ILDR1: variants seen among roughly 807,000 people sequenced by gnomAD.
ILDR1 encodes immunoglobulin like domain containing receptor 1, also known as immunoglobulin-like domain-containing receptor 1.
ILDR1 carries 56 observed loss-of-function variants against 62.4 expected under a neutral mutation model. The observed-to-expected ratio is 0.90, with a 90% CI of 0.72 to 1.12. ILDR1 has a LOEUF of 1.12. Ranked by LOEUF, ILDR1 falls within the 50% of genes most tolerant of loss-of-function variation. The pLI is 0.00. For missense variants in ILDR1, 736 were observed against 710.6 expected, an observed-to-expected ratio of 1.04 and a Z score of -0.41; for synonymous variants, 284 against 277.8, an observed-to-expected ratio of 1.02 and a Z score of -0.22.
chr3:122,001,251 G>A lies in ILDR1; in HGVS notation c.646+57C>T, dbSNP rs1049341194. 1.1e-5 allele frequency: 17 copies of A among 1,597,204 alleles called. No homozygotes were observed. The African/African-American group carries it at 2.3e-4, about 21-fold the overall frequency. ...TTGACCTGGCACTTGAAGCTGATCT[G>A]CTTGACGTCCTGGTCCCTAATCCAC... On this transcript the variant is annotated intron_variant, in intron 5 of 7. Transcript: ENST00000344209.
At chr3:122,045,092 C>T in the ILDR1 span, among the ~76,000 whole-genome samples, 2 of 152,138 alleles carry the variant, frequency 1.3e-5, no homozygotes, top group South Asian at 2.1e-4. Flanking sequence ...GCTTTAAATG[C>T]ATCCCAGAGA....
rs776978257 is a variant in ILDR1 at position 122,007,159 on chromosome 3, A to G, written c.61T>C (p.Cys21Arg). 1.9e-6 allele frequency: 3 copies of G among 1,614,116 alleles called. No individual in the cohort carries two copies. In the East Asian group the frequency reaches 6.7e-5, roughly 36 times the overall value. ...TGGACCGTCACAAGCAAGGACAGGC[A>G]CCCTAAAGCCAAGAGCAGGAGAAAA... ...LLLCTWLPAG[C>R]LSLLVTVQHT... is the part of the protein sequence containing the mutation. Residue 21 changes from cysteine (C) to arginine (R), a missense_variant and splice_region_variant, in exon 2 of 8, where the codon TGC becomes CGC. By Grantham distance (180) the Cys-to-Arg change is radical (BLOSUM62 -3). Transcript: ENST00000344209.
intron 5 of ILDR1, among the ~76,000 whole-genome samples, chr3:121,999,168 T>C (rs957296104): frequency 2.0e-5 from 3 of 152,208 alleles, no homozygotes; most frequent in African/African-American, 7.2e-5. Context: ...CAGGTTTTGT[T>C]TCTATCTTAA....
chr3:122,003,208 AG>A (rs1390414418), intron 3 of ILDR1, among the ~76,000 whole-genome samples: 1 of 152,200 alleles, frequency 6.6e-6, no homozygotes. Flanking sequence ...TGCTCCTGCT[AG>A]GTTGGTGGTA....
the ILDR1 span, among the ~76,000 whole-genome samples, chr3:122,037,993 A>G: frequency 1.3e-5 from 2 of 151,278 alleles, no homozygotes; most frequent in Non-Finnish European, 2.9e-5. Context: ...CCATGGTAGG[A>G]TGTGCTTGCT....
In ILDR1 at chr3:121,993,210, G is replaced by A. The variant is rs751697424; in HGVS notation, c.1539C>T (p.Arg513=). ...TCTTGCCTGGAGTGATATCAAGTGAGCGGTAGCTAGGCGGCTTCTCCTCGG... is the reference window on the plus strand; with the variant it reads ...TCTTGCCTGGAGTGATATCAAGTGAACGGTAGCTAGGCGGCTTCTCCTCGG... ...HWPEEKPPSY[R]SLDITPGKNS... Residue 513 remains arginine, a synonymous_variant, in exon 7 of 8, where the codon CGC becomes CGT. Transcript: ENST00000344209. 4 of 1,613,962 alleles carry A rather than the reference G, an allele frequency of 2.5e-6. No individual in the cohort carries two copies. The South Asian group carries it at 3.3e-5, about 13-fold the overall frequency.
At position 122,001,454 on chromosome 3, in the gene ILDR1, T is replaced by A; in HGVS notation, c.500A>T (p.His167Leu). 6.2e-7 allele frequency: 1 copy of A among 1,614,024 alleles called. No homozygotes were observed. Among genetic ancestry groups the A allele is most frequent in the Non-Finnish European group, 8.5e-7 (1 of 1,179,984 alleles). Residue 167 changes from histidine (H) to leucine (L), a missense_variant and splice_region_variant, in exon 5 of 8, where the codon CAC becomes CTC. Transcript: ENST00000344209. ...PDKEVKLIVL[H>L]WLTVIFIILG... Reference sequence around the variant, plus strand: ...GATGATGAAGATCACTGTCAGCCAGTCTGCAGGGGAGAAGCCAAGCAGGGG... The same window carrying A: ...GATGATGAAGATCACTGTCAGCCAGACTGCAGGGGAGAAGCCAAGCAGGGG...
At chr3:121,988,773 C>T (rs951510656) in intron 7 of ILDR1, among the ~76,000 whole-genome samples, 1 of 152,250 alleles carries the variant, frequency 6.6e-6, no homozygotes, top group African/African-American at 2.4e-5. Flanking sequence ...TTCATGAAGA[C>T]ATTGCTCAGT....
At chr3:122,000,636 G>A (rs1055950628) in intron 5 of ILDR1, among the ~76,000 whole-genome samples, 4 of 152,168 alleles carry the variant, frequency 2.6e-5, no homozygotes, top group African/African-American at 7.2e-5. Flanking sequence ...TGGAGGAAAG[G>A]GTCATTGTAA....
At chr3:122,006,660 G>A (rs773314291) in intron 2 of ILDR1, among the ~76,000 whole-genome samples, 5 of 152,042 alleles carry the variant, frequency 3.3e-5, no homozygotes, top group African/African-American at 4.8e-5. Context: ...GAGGGGAGGC[G>A]GGCCTGCATC....
At chr3:122,021,550 G>A (rs982634652) in intron 1 of ILDR1, among the ~76,000 whole-genome samples, 3 of 152,098 alleles carry the variant, frequency 2.0e-5, no homozygotes, top group African/African-American at 7.2e-5. Flanking sequence ...TACATGTTGT[G>A]GTCCTGCACA....
chr3:122,041,941 G>T, the ILDR1 span, among the ~76,000 whole-genome samples: 1 of 142,118 alleles, frequency 7.0e-6, no homozygotes, highest in Non-Finnish European at 1.5e-5. Flanking sequence ...TATACTTTAA[G>T]TTTTAGGGTA....
At chr3:121,997,621 A>G (rs1468573975) in intron 5 of ILDR1, among the ~76,000 whole-genome samples, 4 of 152,178 alleles carry the variant, frequency 2.6e-5, no homozygotes, top group African/African-American at 4.8e-5. Context: ...GGCTGTAACA[A>G]GTAATTGTGG....
chr3:122,023,154 A>C (rs1285263597), upstream of ILDR1, among the ~76,000 whole-genome samples: 1 of 150,508 alleles, frequency 6.6e-6, no homozygotes, highest in Non-Finnish European at 1.5e-5. Flanking sequence ...TCTAATGTTT[A>C]TTTATTTTTT....
rs2071391455 is a variant in ILDR1 at position 121,993,669 on chromosome 3, C to G, written c.1080G>C (p.Arg360Ser). 1 of 1,614,080 alleles carries G rather than the reference C, an allele frequency of 6.2e-7. No homozygotes were observed. The highest frequency in any genetic ancestry group is 8.5e-7 in the Non-Finnish European group (1 of 1,180,020). The change falls in exon 7 of 8, where the codon AGG (arginine) becomes AGC (serine). Residue 360 changes from arginine to serine, a missense_variant. Coordinates refer to ENST00000344209, the MANE Select transcript of ILDR1 (RefSeq NM_001199799.2). ...TTCTCCCCTCCCTCAGATCCCAGGG[C>G]CTGGAGGGAATTGGGGTGAGCCACT... Reference protein sequence around the residue: ...HQQWLTPIPSRPWDLREGRSH... With the variant: ...HQQWLTPIPSSPWDLREGRSH...
intron 5 of ILDR1, among the ~76,000 whole-genome samples, chr3:121,998,516 T>G (rs1428539820): frequency 1.3e-5 from 2 of 152,176 alleles, no homozygotes; most frequent in African/African-American, 4.8e-5. Flanking sequence ...ATTTTACTAG[T>G]TTTTTAAAAT....
Position 122,022,215 on chromosome 3 carries a change from G to GC in ILDR1, c.-139dup. On this transcript the variant is annotated 5_prime_UTR_variant, in exon 1 of 8. Coordinates refer to ENST00000344209, the MANE Select transcript of ILDR1 (RefSeq NM_001199799.2). The stretch of plus-strand genomic sequence containing the variant: ...CCTCCCTCGGCGCAGCGGGGAGGGA[G>GC]CGTCCGCTCTGGTCCCGGGGCAGGT... 1 of 740,516 alleles carries GC rather than the reference G, an allele frequency of 1.4e-6. No homozygotes were observed. Among genetic ancestry groups the GC allele is most frequent in the Non-Finnish European group, 2.2e-6 (1 of 463,062 alleles). 45.9% of individuals were successfully genotyped at this position (740,516 alleles called of 1,614,324 possible). A position where few individuals can be genotyped will look rare whatever the true frequency, so the allele number is the denominator to read the frequency against.
At chr3:122,026,255 G>A (rs916113298), upstream of ILDR1, among the ~76,000 whole-genome samples, 11 of 152,268 alleles carry the variant, frequency 7.2e-5, no homozygotes, top group African/African-American at 2.4e-4. Flanking sequence ...TGAGAAGAAT[G>A]GTGTTTGGGA....
At chr3:122,017,130 C>G (rs1307964800) in intron 1 of ILDR1, among the ~76,000 whole-genome samples, 1 of 152,076 alleles carries the variant, frequency 6.6e-6, no homozygotes, top group Non-Finnish European at 1.5e-5. Flanking sequence ...TCACTGCAAC[C>G]TCCGCCCCAC....
Sources: allele counts gnomAD v4.1 joint callset (sites outside exome capture counted in the v4.1 genomes callset), GRCh38; gene constraint gnomAD v4.1.1; transcripts MANE v1.5; gene names NCBI Gene and HGNC (gene_info 2026-07-23, HGNC 2026-07-21).